Variants in RPSA2 observed in about 807,000 individuals in gnomAD.
RPSA2 encodes ribosomal protein SA 2.
the RPSA2 span, among the ~76,000 whole-genome samples, chr19:23,853,059 A>G: frequency 6.6e-6 from 1 of 152,246 alleles, no homozygotes; most frequent in Admixed American, 6.5e-5. Flanking sequence ...CCAACTGGTG[A>G]AAGCATCTGT....
chr19:23,857,240 G>A, the RPSA2 span, among the ~76,000 whole-genome samples: 3 of 152,164 alleles, frequency 2.0e-5, no homozygotes, highest in Non-Finnish European at 4.4e-5. Flanking sequence ...AGTTAACACA[G>A]TTATCACAGG....
At chr19:23,833,214 G>A in the RPSA2 span, 3 of 1,172,592 alleles carry the variant, frequency 2.6e-6, no homozygotes, top group African/African-American at 3.5e-5. Flanking sequence ...ATACTTGAAA[G>A]CAACCCTACA....
chr19:23,832,825 G>T, the RPSA2 span: 11 of 1,576,416 alleles, frequency 7.0e-6, no homozygotes, highest in Non-Finnish European at 8.7e-6. Flanking sequence ...ATGTGGCAAA[G>T]CTTTCAGCCA....
At chr19:23,822,193 C>T in the RPSA2 span, among the ~76,000 whole-genome samples, 1 of 152,180 alleles carries the variant, frequency 6.6e-6, no homozygotes, top group Non-Finnish European at 1.5e-5. Flanking sequence ...TTTTTTCCAC[C>T]TTCCCTCAAT....
chr19:23,796,862 TCTTA>T, the RPSA2 span, among the ~76,000 whole-genome samples: 2 of 3,644 alleles, frequency 5.5e-4, no homozygotes, highest in East Asian at 0.013. Flanking sequence ...GGTTTATTTA[TCTTA>T]TTTTTTTTTT....
the RPSA2 span, among the ~76,000 whole-genome samples, chr19:23,826,403 G>C: frequency 6.6e-6 from 1 of 151,814 alleles, no homozygotes; most frequent in African/African-American, 2.4e-5. Context: ...ATGTTGGCCA[G>C]CGTGGTTTCA....
At chr19:23,784,010 C>G in the RPSA2 span, among the ~76,000 whole-genome samples, 1 of 152,146 alleles carries the variant, frequency 6.6e-6, no homozygotes, top group Non-Finnish European at 1.5e-5. Context: ...TAACCCTGGC[C>G]CAGCACACAG....
chr19:23,794,499 A>T, the RPSA2 span, among the ~76,000 whole-genome samples: 1 of 152,076 alleles, frequency 6.6e-6, no homozygotes, highest in Non-Finnish European at 1.5e-5. Context: ...TTTGAAAAGC[A>T]TCTTTTTCAT....
the RPSA2 span, among the ~76,000 whole-genome samples, chr19:23,858,729 T>A: frequency 1.1e-4 from 17 of 152,334 alleles, no homozygotes; most frequent in East Asian, 3.3e-3. Flanking sequence ...AAATGGTAGC[T>A]CCATCTTCCC....
chr19:23,810,599 G>A, the RPSA2 span, among the ~76,000 whole-genome samples: 1 of 152,086 alleles, frequency 6.6e-6, no homozygotes, highest in Non-Finnish European at 1.5e-5. Flanking sequence ...GTACAAGAGA[G>A]AATTTTCCCA....
At chr19:23,765,191 G>A in the RPSA2 span, among the ~76,000 whole-genome samples, 1 of 152,316 alleles carries the variant, frequency 6.6e-6, no homozygotes, top group Non-Finnish European at 1.5e-5. Context: ...CACTGTTGGT[G>A]GGAGTGTAAA....
At chr19:23,820,486 T>C in the RPSA2 span, among the ~76,000 whole-genome samples, 1 of 152,236 alleles carries the variant, frequency 6.6e-6, no homozygotes, top group Admixed American at 6.5e-5. Context: ...AGAGGCATGG[T>C]CAGGGCTTCT....
the RPSA2 span, among the ~76,000 whole-genome samples, chr19:23,789,611 CA>C: frequency 7.9e-5 from 12 of 152,132 alleles, no homozygotes; most frequent in South Asian, 2.5e-3. Flanking sequence ...CTCTTTTTGC[CA>C]AGGTCCTAGA....
the RPSA2 span, among the ~76,000 whole-genome samples, chr19:23,771,685 A>G: frequency 6.6e-6 from 1 of 152,126 alleles, no homozygotes; most frequent in Non-Finnish European, 1.5e-5. Flanking sequence ...CACTGTGAGT[A>G]ATGTCCAGGT....
the RPSA2 span, among the ~76,000 whole-genome samples, chr19:23,835,128 T>C: frequency 1.3e-5 from 2 of 152,124 alleles, no homozygotes; most frequent in South Asian, 2.1e-4. Context: ...TACAGGGTCA[T>C]TTTTATCATC....
chr19:23,806,389 G>A, the RPSA2 span, among the ~76,000 whole-genome samples: 1 of 152,062 alleles, frequency 6.6e-6, no homozygotes, highest in Non-Finnish European at 1.5e-5. Context: ...TCTTAGTAAA[G>A]ATGGAGAACA....
the RPSA2 span, among the ~76,000 whole-genome samples, chr19:23,792,535 CGAA>C: frequency 6.6e-6 from 1 of 150,886 alleles, no homozygotes; most frequent in Non-Finnish European, 1.5e-5. Context: ...AATTGAATTT[CGAA>C]GGAGTATTGC....
At chr19:23,821,020 G>T in the RPSA2 span, among the ~76,000 whole-genome samples, 1 of 152,210 alleles carries the variant, frequency 6.6e-6, no homozygotes, top group African/African-American at 2.4e-5. Flanking sequence ...GGGCCTCCTG[G>T]TTCTGATTGA....
chr19:23,772,774 C>T, the RPSA2 span, among the ~76,000 whole-genome samples: 2 of 152,144 alleles, frequency 1.3e-5, no homozygotes, highest in Non-Finnish European at 2.9e-5. Context: ...TTGTGACTGT[C>T]ATATATGAGC....
Sources: gnomAD v4.1 joint callset for allele counts (sites outside exome capture counted in the v4.1 genomes callset) on GRCh38, gnomAD v4.1.1 for gene constraint, MANE v1.5 for transcripts, NCBI Gene and HGNC (gene_info 2026-07-23, HGNC 2026-07-21) for gene names.